Variants in CDH18 observed in about 807,000 individuals in gnomAD.
CDH18 encodes the protein cadherin 18.
A neutral mutation model predicts 67.9 loss-of-function variants in CDH18; 31 were observed. That is an observed-to-expected ratio of 0.46 (90% CI 0.34 to 0.62). The LOEUF is 0.62. CDH18 is among the 20% of genes least tolerant of loss of function. The pLI is 0.01. For synonymous variants in CDH18, 362 were observed against 347.2 expected (o/e 1.04, Z -0.48); for missense variants, 890 against 975.5 (o/e 0.91, Z 1.17).
chr5:19,514,608 A>G (rs1016570110), intron 10 of CDH18, among the ~76,000 whole-genome samples: 1 of 152,128 alleles, frequency 6.6e-6, no homozygotes, highest in Non-Finnish European at 1.5e-5. Flanking sequence ...GATGATGAGC[A>G]TTTTTTCATG....
chr5:19,926,530 A>T (rs1346294837), intron 2 of CDH18, among the ~76,000 whole-genome samples: 4 of 152,170 alleles, frequency 2.6e-5, no homozygotes, highest in Admixed American at 6.5e-5. Context: ...AGGAGACTGA[A>T]GTTAATATAA....
chr5:19,967,930 A>G lies in CDH18; in HGVS notation c.-257+13130T>C, dbSNP rs2150325180. Reference sequence around the variant, plus strand: ...CTGTCTGCAGATGACATGATTGTATATCTAGAAAACCCCATTGTCTCAGCC... The same window carrying G: ...CTGTCTGCAGATGACATGATTGTATGTCTAGAAAACCCCATTGTCTCAGCC... On this transcript the variant is annotated intron_variant, in intron 2 of 12. Coordinates refer to ENST00000382275, the MANE Select transcript of CDH18 (RefSeq NM_004934.5). Among the ~76,000 whole-genome samples, 3 of 152,202 alleles carry G rather than the reference A, an allele frequency of 2.0e-5. No individual in the cohort carries two copies. In the East Asian group the frequency reaches 5.8e-4, roughly 29 times the overall value.
chr5:20,013,624 TAA>T (rs1366483229), intron 2 of CDH18, among the ~76,000 whole-genome samples: 2 of 152,088 alleles, frequency 1.3e-5, no homozygotes, highest in Non-Finnish European at 2.9e-5. Context: ...AAAAAATAGT[TAA>T]GTCTTCTAAT....
rs529796007 is a variant in CDH18, at chr5:20,430,572, A to G, written c.-580+144890T>C. Among the ~76,000 whole-genome samples, 46 of 152,346 alleles carry G rather than the reference A, an allele frequency of 3.0e-4. 2 individuals are homozygous for G. In the South Asian group the frequency reaches 6.6e-3, roughly 22 times the overall value. On this transcript the variant is annotated intron_variant, in intron 1 of 14. Coordinates refer to the CDH18 transcript ENST00000507958. ...GTATAAAAATGTCTCCCTATAACCC[A>G]GATTTAATTTATATCACATACTTGT...
intron 1 of CDH18, among the ~76,000 whole-genome samples, chr5:20,306,111 A>C (rs1736428112): frequency 6.6e-6 from 1 of 152,152 alleles, no homozygotes; most frequent in Admixed American, 6.5e-5. Context: ...TGCTTCCTCA[A>C]ATTCTATCCA....
intron 5 of CDH18, among the ~76,000 whole-genome samples, chr5:19,679,693 AG>A (rs972265872): frequency 6.6e-6 from 1 of 151,950 alleles, no homozygotes; most frequent in Non-Finnish European, 1.5e-5. Flanking sequence ...CATTTCTAGC[AG>A]CCACAAGTAG....
At chr5:20,244,732 A>G (rs935597236) in intron 2 of CDH18, among the ~76,000 whole-genome samples, 1 of 152,100 alleles carries the variant, frequency 6.6e-6, no homozygotes, top group East Asian at 1.9e-4. Context: ...ATGTGATTTG[A>G]CAAAATGTAT....
intron 11 of CDH18, among the ~76,000 whole-genome samples, chr5:19,489,490 GC>G (rs1057217386): frequency 1.3e-5 from 2 of 151,800 alleles, no homozygotes; most frequent in African/African-American, 4.8e-5. Context: ...CTTGTGATCT[GC>G]CCCCCTTGGC....
intron 1 of CDH18, among the ~76,000 whole-genome samples, chr5:20,453,512 TATCA>T (rs757573770): frequency 8.6e-5 from 13 of 152,022 alleles, no homozygotes; most frequent in South Asian, 2.1e-4. Flanking sequence ...AATAATATCC[TATCA>T]ATCAATCAAC....
intron 5 of CDH18, among the ~76,000 whole-genome samples, chr5:19,617,406 G>A (rs1471332204): frequency 3.3e-5 from 5 of 152,120 alleles, no homozygotes. Context: ...ATTTACCCTT[G>A]TCTTTGATAA....
In CDH18 at chr5:19,655,676, G is replaced by A. The variant is rs963272169; in HGVS notation, c.644-43075C>T. 2.6e-5 allele frequency among the ~76,000 whole-genome samples: 4 copies of A among 152,056 alleles called. 1 individual carries two copies. The highest frequency in any genetic ancestry group is 7.2e-5 in the African/African-American group (3 of 41,404). ...ACACTAATTAAGTGCTACATTGGAT[G>A]TCTCCTCTTAAGTTTTCCTCCTGAA... On this transcript the variant is annotated intron_variant, in intron 5 of 12. Coordinates refer to ENST00000382275, the MANE Select transcript of CDH18 (RefSeq NM_004934.5).
intron 1 of CDH18, among the ~76,000 whole-genome samples, chr5:20,403,682 T>G (rs1049364795): frequency 6.6e-6 from 1 of 152,218 alleles, no homozygotes; most frequent in Non-Finnish European, 1.5e-5. Context: ...TCATCCAGGC[T>G]TTGTTGTTCC....
Position 19,809,392 on chromosome 5 carries a change from G to C in CDH18, c.228+29367C>G, listed in dbSNP as rs1581444970. ...CTCCTTAAGATATAGAATTAGAATG[G>C]AGCTGTCTGAAGAAAGCCAAAACAC... On this transcript the variant is annotated intron_variant, in intron 3 of 12. Coordinates refer to ENST00000382275, the MANE Select transcript of CDH18 (RefSeq NM_004934.5). Among the ~76,000 whole-genome samples the C allele has an allele frequency of 3.9e-5, 6 of 152,178 alleles. 2 individuals carry two copies. The South Asian group carries it at 1.2e-3, about 32-fold the overall frequency.
At chr5:20,050,826 G>T (rs1461599283) in intron 2 of CDH18, among the ~76,000 whole-genome samples, 1 of 151,786 alleles carries the variant, frequency 6.6e-6, no homozygotes, top group Non-Finnish European at 1.5e-5. Context: ...ACCTATGAAT[G>T]TCAGGACACA....
At chr5:20,537,357 A>C (rs573833430) in intron 1 of CDH18, among the ~76,000 whole-genome samples, 12 of 151,796 alleles carry the variant, frequency 7.9e-5, no homozygotes, top group South Asian at 2.1e-4. Flanking sequence ...GTAAATAATT[A>C]TTAATTATTA....
At chr5:19,547,795 C>A (rs971564964) in intron 8 of CDH18, among the ~76,000 whole-genome samples, 1 of 152,020 alleles carries the variant, frequency 6.6e-6, no homozygotes, top group Non-Finnish European at 1.5e-5. Context: ...AGATTGTGGG[C>A]GATGCTTGGA....
chr5:20,326,885 G>T (rs556208777), intron 1 of CDH18, among the ~76,000 whole-genome samples: 15 of 152,214 alleles, frequency 9.9e-5, no homozygotes, highest in African/African-American at 3.1e-4. Context: ...GTAAATATAT[G>T]TTACAGTTTT....
intron 2 of CDH18, among the ~76,000 whole-genome samples, chr5:20,010,626 T>A (rs1217883015): frequency 6.6e-6 from 1 of 152,200 alleles, no homozygotes; most frequent in Non-Finnish European, 1.5e-5. Context: ...TTATCTGATT[T>A]GAATTTTCTG....
intron 1 of CDH18, among the ~76,000 whole-genome samples, chr5:20,344,603 C>T (rs1267555390): frequency 6.6e-6 from 1 of 152,016 alleles, no homozygotes; most frequent in Non-Finnish European, 1.5e-5. Flanking sequence ...ATACCGTCTT[C>T]ACTGTGCCTA....
Sources: allele counts gnomAD v4.1 joint callset (sites outside exome capture counted in the v4.1 genomes callset), GRCh38; gene constraint gnomAD v4.1.1; transcripts MANE v1.5; gene names NCBI Gene and HGNC (gene_info 2026-07-23, HGNC 2026-07-21).